The following TEX101 variants were observed in gnomAD, a reference collection of about 807,000 sequenced individuals.
TEX101 encodes the protein testis expressed 101.
A neutral mutation model predicts 18.1 loss-of-function variants in TEX101; 10 were observed. The ratio of observed to expected loss-of-function variants is 0.55; its 90% confidence interval spans 0.34 to 0.94. The LOEUF is 0.94. Ranked by LOEUF, TEX101 falls within the 40% of genes least tolerant of loss-of-function variation. TEX101 has a pLI of 0.02. For synonymous variants in TEX101, 94 were observed against 114.8 expected (o/e 0.82, Z 1.16); for missense variants, 259 against 298.9 (o/e 0.87, Z 0.98).
intron 2 of TEX101, among the ~76,000 whole-genome samples, chr19:43,403,130 G>C (rs1385204286): frequency 6.6e-6 from 1 of 152,134 alleles, no homozygotes; most frequent in East Asian, 1.9e-4. Context: ...CCCTCAGGTA[G>C]GATCTCACCA....
At chr19:43,413,455 T>C (rs946453009), upstream of TEX101, among the ~76,000 whole-genome samples, 5 of 147,808 alleles carry the variant, frequency 3.4e-5, no homozygotes, top group African/African-American at 1.3e-4. Context: ...TGAGCCGAGA[T>C]TGCACCACTG....
chr19:43,395,349 T>C, the TEX101 span, among the ~76,000 whole-genome samples: 1 of 152,230 alleles, frequency 6.6e-6, no homozygotes, highest in Non-Finnish European at 1.5e-5. Context: ...ATAATCCTTA[T>C]ACAAATGTGG....
chr19:43,409,613 T>TAA (rs112990161), intron 3 of TEX101, among the ~76,000 whole-genome samples: 7 of 132,582 alleles, frequency 5.3e-5, no homozygotes, highest in African/African-American at 1.4e-4. Flanking sequence ...GAAGTACTAG[T>TAA]AAAAAAAAAA....
chr19:43,393,631 A>C, the TEX101 span, among the ~76,000 whole-genome samples: 10 of 152,188 alleles, frequency 6.6e-5, no homozygotes, highest in Non-Finnish European at 1.3e-4. Context: ...ACTTGGCATG[A>C]ATCCCCATTC....
chr19:43,406,460 A>T, exon 3 of TEX101: 1 of 769,444 alleles, frequency 1.3e-6, no homozygotes. Context: ...AAGAGACAGG[A>T]GAGGGGGATC....
chr19:43,415,899 C>A lies in TEX101; in HGVS notation c.-21C>A. ...TTCACAGATCCAGACCAGCTCCTCC[C>A]AGACCTCTCCAGAAGAAGCCATGGG... is the stretch of plus-strand genomic sequence containing the variant. On this transcript the variant is annotated 5_prime_UTR_variant, in exon 2 of 6. Transcript: ENST00000598265. 1.9e-6 allele frequency: 3 copies of A among 1,614,138 alleles called. No homozygotes were observed. The highest frequency in any genetic ancestry group is 1.3e-5 in the African/African-American group (1 of 75,030).
upstream of TEX101, among the ~76,000 whole-genome samples, chr19:43,397,708 C>T (rs1219458906): frequency 1.4e-5 from 2 of 145,554 alleles, no homozygotes; most frequent in African/African-American, 5.1e-5. Context: ...TCAACAATAA[C>T]TCCCTAACAG....
chr19:43,388,985 G>A, the TEX101 span, among the ~76,000 whole-genome samples: 2 of 151,992 alleles, frequency 1.3e-5, no homozygotes, highest in Admixed American at 6.6e-5. Flanking sequence ...GCCTCTCCTG[G>A]TTCATCTGAT....
intron 2 of TEX101, 47 bp from the exon 3 acceptor site, chr19:43,416,052 C>T (rs1475568363): frequency 1.2e-6 from 2 of 1,610,346 alleles, no homozygotes. Flanking sequence ...AAGGGAGCCG[C>T]CTTGGCCCAT....
intron 3 of TEX101, among the ~76,000 whole-genome samples, chr19:43,407,798 C>A (rs1970381984): frequency 6.6e-6 from 1 of 152,236 alleles, no homozygotes; most frequent in East Asian, 1.9e-4. Context: ...GGACGCAGTG[C>A]AGCAGGGTTG....
upstream of TEX101, among the ~76,000 whole-genome samples, chr19:43,400,686 C>T (rs1970311244): frequency 6.6e-6 from 1 of 152,144 alleles, no homozygotes; most frequent in Admixed American, 6.5e-5. Flanking sequence ...GATTCATTTC[C>T]ACCAGTTTAG....
intron 3 of TEX101, among the ~76,000 whole-genome samples, chr19:43,407,810 G>A (rs1195699502): frequency 2.6e-5 from 4 of 152,250 alleles, no homozygotes; most frequent in Non-Finnish European, 1.5e-5. Flanking sequence ...GCAGGGTTGA[G>A]GCCCCATGCG....
chr19:43,395,304 C>T, the TEX101 span, among the ~76,000 whole-genome samples: 3 of 152,146 alleles, frequency 2.0e-5, no homozygotes, highest in Non-Finnish European at 2.9e-5. Context: ...GACCTCTTCC[C>T]GTATCTGTTG....
upstream of TEX101, among the ~76,000 whole-genome samples, chr19:43,412,750 A>G (rs1366382712): frequency 6.6e-6 from 1 of 152,116 alleles, no homozygotes; most frequent in Admixed American, 6.6e-5. Context: ...AGCTTTACCA[A>G]TCCCTTTCTT....
rs1353428911 is a variant in TEX101 at position 43,418,456 on chromosome 19, G to A, written c.*59G>A. 1.4e-6 allele frequency: 2 copies of A among 1,451,972 alleles called. No individual in the cohort carries two copies. Among genetic ancestry groups the A allele is most frequent in the South Asian group, 1.3e-5 (1 of 79,748 alleles). The allele number at this position is 1,451,972 out of a possible 1,614,324, so 89.9% of individuals were successfully genotyped here. ...TTTTTTGACTGGGAGCCTTCTTACT[G>A]TTGAGGTTCAACAAGCTGAGGAGTA... On this transcript the variant is annotated 3_prime_UTR_variant, in exon 6 of 6. Transcript: ENST00000598265.
At chr19:43,409,497 A>G (rs933808659) in intron 3 of TEX101, among the ~76,000 whole-genome samples, 1 of 152,190 alleles carries the variant, frequency 6.6e-6, no homozygotes, top group Non-Finnish European at 1.5e-5. Flanking sequence ...AGCAATACCC[A>G]TATATACTGT....
exon 3 of TEX101, chr19:43,406,342 G>A (rs1425876643): frequency 3.2e-6 from 2 of 616,858 alleles, no homozygotes; most frequent in Non-Finnish European, 5.9e-6. Context: ...ATGGATAGAC[G>A]CTATTCCCAC....
the TEX101 span, among the ~76,000 whole-genome samples, chr19:43,395,498 T>C: frequency 1.7e-3 from 254 of 152,314 alleles, no homozygotes; most frequent in African/African-American, 6.0e-3. Flanking sequence ...CTAACAACCA[T>C]TTATCAATTC....
At chr19:43,408,942 T>A (rs1031057996) in intron 3 of TEX101, among the ~76,000 whole-genome samples, 1 of 152,208 alleles carries the variant, frequency 6.6e-6, no homozygotes, top group African/African-American at 2.4e-5. Context: ...GGCCTGGTGC[T>A]ACCTGAAACT....
Sources: gnomAD v4.1 joint callset for allele counts (sites outside exome capture counted in the v4.1 genomes callset) on GRCh38, gnomAD v4.1.1 for gene constraint, MANE v1.5 for transcripts, NCBI Gene and HGNC (gene_info 2026-07-23, HGNC 2026-07-21) for gene names.